C19orf18: variants seen among roughly 807,000 people sequenced by gnomAD.
The protein encoded by C19orf18 is uncharacterized protein C19orf18.
In C19orf18, 21 loss-of-function variants were observed where a neutral mutation model predicts 23.3. The ratio of observed to expected loss-of-function variants is 0.90; its 90% CI spans 0.64 to 1.30. The LOEUF (loss-of-function observed/expected upper bound fraction) is 1.30, where lower values mean the gene tolerates loss of function less well. C19orf18 is among the 50% of genes most tolerant of loss of function. The pLI is 0.00. For synonymous variants in C19orf18, 96 were observed against 95.2 expected (o/e 1.01, Z -0.05); for missense variants, 249 against 259.6 (o/e 0.96, Z 0.28).
chr19:57,969,595 A>AACAAAAAAAAAAAAAAAAAAAAAAAAC (rs2072932076), intron 3 of C19orf18, among the ~76,000 whole-genome samples: 1 of 132,680 alleles, frequency 7.5e-6, no homozygotes, highest in Non-Finnish European at 1.6e-5. Context: ...AAAAAAAAAA[A>AACAAAAAAAAAAAAAAAAAAAAAAAAC]ACCAAGAAAA....
intron 4 of C19orf18, among the ~76,000 whole-genome samples, chr19:57,962,208 A>T (rs1260665124): frequency 6.9e-6 from 1 of 145,484 alleles, no homozygotes; most frequent in Non-Finnish European, 1.5e-5. Flanking sequence ...TTATTTTTGT[A>T]TTTTTTTTTT....
Position 57,972,549 on chromosome 19 carries a change from G to A in C19orf18, c.227-45C>T, listed in dbSNP as rs371358991. 2.0e-5 allele frequency: 32 copies of A among 1,595,842 alleles called. No individual in the cohort carries two copies. The African/African-American group carries it at 3.8e-4, about 19-fold the overall frequency. ...GATCAAAAAGAAGAGACTTTAAGAT[G>A]GTTTAAGATGAACTTGGGAAAACAA... On this transcript the variant is annotated intron_variant, in intron 2 of 5. Transcript: ENST00000314391.
chr19:57,969,824 A>G (rs2123231785), intron 3 of C19orf18, among the ~76,000 whole-genome samples: 1 of 149,034 alleles, frequency 6.7e-6, no homozygotes, highest in Non-Finnish European at 1.5e-5. Context: ...GAGAGCTGAG[A>G]TCGCATCATT....
chr19:57,964,223 C>T (rs1376571634), intron 4 of C19orf18, among the ~76,000 whole-genome samples: 2 of 152,140 alleles, frequency 1.3e-5, no homozygotes, highest in Non-Finnish European at 2.9e-5. Context: ...AGTTGCATTA[C>T]AAAACTTTAT....
chr19:57,964,307 G>A (rs2072893768), intron 4 of C19orf18, among the ~76,000 whole-genome samples: 2 of 152,054 alleles, frequency 1.3e-5, no homozygotes, highest in South Asian at 4.1e-4. Flanking sequence ...TTTGAGACAT[G>A]GTCTCACTCT....
At chr19:57,961,803 T>C (rs559090124) in intron 4 of C19orf18, among the ~76,000 whole-genome samples, 3 of 152,326 alleles carry the variant, frequency 2.0e-5, no homozygotes, top group Admixed American at 1.3e-4. Flanking sequence ...GGCACTCACA[T>C]TGGGTTCCAA....
rs1379612638 is a variant in C19orf18, at chr19:57,958,636, T to C, written c.614A>G (p.Asn205Ser). Residue 205 changes from asparagine to serine, a missense_variant, in exon 6 of 6, where the codon AAT becomes AGT. Coordinates refer to ENST00000314391, the MANE Select transcript of C19orf18 (RefSeq NM_152474.5). ...TTCCATTTTTCCATTATGTGACGCA[T>C]TCTTTGTTTTGTTTTCTGTTACTGA... ...QNSVTENKTK[N>S]ASHNGKMEDL is the part of the protein sequence containing the mutation. 6.2e-7 allele frequency: 1 copy of C among 1,608,688 alleles called. No individual in the cohort carries two copies. Among genetic ancestry groups the C allele is most frequent in the Non-Finnish European group, 8.5e-7 (1 of 1,177,990 alleles).
chr19:57,969,573 A>G (rs1169375295), intron 3 of C19orf18, among the ~76,000 whole-genome samples: 10 of 123,158 alleles, frequency 8.1e-5, no homozygotes, highest in African/African-American at 1.9e-4. Flanking sequence ...ACAGAAAAAA[A>G]AAAAAAAAAA....
Position 57,972,466 on chromosome 19 carries a change from T to TAAAAA in C19orf18, c.264_265insTTTTT (p.Lys89PhefsTer5). 4 of 1,614,178 alleles carry TAAAAA rather than the reference T, an allele frequency of 2.5e-6. No individual in the cohort carries two copies. Among genetic ancestry groups the TAAAAA allele is most frequent in the Non-Finnish European group, 3.4e-6 (4 of 1,179,974 alleles). On this transcript the variant is annotated frameshift_variant, in exon 3 of 6. Coordinates refer to ENST00000314391, the MANE Select transcript of C19orf18 (RefSeq NM_152474.5). LOFTEE classifies it high-confidence loss of function. ...CCTCCCAGATCCCTTGGCTTACCTT[T>TAAAAA]ATTCCTCAGGAATTTCATGGGGTTC...
rs373597607 is a variant in C19orf18 at position 57,972,486 on chromosome 19, G to C, written c.245C>G (p.Pro82Arg). 1.7e-5 allele frequency: 28 copies of C among 1,613,976 alleles called. No homozygotes were observed. The highest frequency in any genetic ancestry group is 7.6e-6 in the Non-Finnish European group (9 of 1,179,968). ...SRSTAASPTN[P>R]MKFLRNKAII... ...ACCTTTATTCCTCAGGAATTTCATG[G>C]GGTTCGTAGGGGATGCAGCTAAAAG... The change falls in exon 3 of 6, where the codon CCC (proline) becomes CGC (arginine). Residue 82 changes from proline (P) to arginine (R), a missense_variant. Physicochemically the swap from Pro to Arg is moderately radical, Grantham distance 103. Coordinates refer to ENST00000314391, the MANE Select transcript of C19orf18 (RefSeq NM_152474.5).
At chr19:57,965,734 A>G (rs1162588300) in intron 4 of C19orf18, among the ~76,000 whole-genome samples, 1 of 152,092 alleles carries the variant, frequency 6.6e-6, no homozygotes, top group Admixed American at 6.5e-5. Context: ...GGGCAACAAG[A>G]GCGAAACTCC....
rs75553659 is a variant in C19orf18, at chr19:57,961,549, C to T, written c.374G>A (p.Arg125Gln). Reference sequence around the variant, plus strand: ...TTGTCTTTCCTCAGCCTGTGCCAGTCGACTGGAGAATGATATAAATGAATT... The same window carrying T: ...TTGTCTTTCCTCAGCCTGTGCCAGTTGACTGGAGAATGATATAAATGAATT... ...CGMAISYMIY[R>Q]LAQAEERQQL... The change falls in exon 5 of 6, where the codon CGA becomes CAA. Residue 125 changes from arginine to glutamine, a missense_variant and splice_region_variant. By Grantham distance (43) the Arg-to-Gln change is conservative (BLOSUM62 1). Transcript: ENST00000314391. The T allele has an allele frequency of 3.8e-5, 61 of 1,609,434 alleles. No homozygotes were observed. The East Asian group carries it at 7.1e-4, about 19-fold the overall frequency.
chr19:57,970,484 A>G (rs1276340900), intron 3 of C19orf18, among the ~76,000 whole-genome samples: 1 of 152,222 alleles, frequency 6.6e-6, no homozygotes, highest in African/African-American at 2.4e-5. Flanking sequence ...TTGTGCTCAA[A>G]TAAACTCTGT....
rs1400089136 is a variant in C19orf18, at chr19:57,970,972, A to G, written c.268+1491T>C. On this transcript the variant is annotated intron_variant, in intron 3 of 5. Coordinates refer to ENST00000314391, the MANE Select transcript of C19orf18 (RefSeq NM_152474.5). Reference sequence around the variant, plus strand: ...CAGTGACCTTCTAGCACCAGCACACAAAACGAGCTAGTGTCAAAAGAAGGA... The same window carrying G: ...CAGTGACCTTCTAGCACCAGCACACGAAACGAGCTAGTGTCAAAAGAAGGA... Among the ~76,000 whole-genome samples, 5 of 152,254 alleles carry G rather than the reference A, an allele frequency of 3.3e-5. No homozygotes were observed. In the East Asian group the frequency reaches 5.8e-4, roughly 18 times the overall value.
chr19:57,958,627 T>C lies in C19orf18; in HGVS notation c.623A>G (p.His208Arg). 1 of 1,607,174 alleles carries C rather than the reference T, an allele frequency of 6.2e-7. No individual in the cohort carries two copies. Among genetic ancestry groups the C allele is most frequent in the Non-Finnish European group, 8.5e-7 (1 of 1,176,680 alleles). The change falls in exon 6 of 6, where the codon CAT becomes CGT. Residue 208 changes from histidine (H) to arginine (R), a missense_variant. Transcript: ENST00000314391. ...TCACAAGTCTTCCATTTTTCCATTATGTGACGCATTCTTTGTTTTGTTTTC... is the reference window on the plus strand; with the variant it reads ...TCACAAGTCTTCCATTTTTCCATTACGTGACGCATTCTTTGTTTTGTTTTC... ...VTENKTKNAS[H>R]NGKMEDL
At chr19:57,971,464 A>C (rs1600208529) in intron 3 of C19orf18, among the ~76,000 whole-genome samples, 1 of 115,364 alleles carries the variant, frequency 8.7e-6, no homozygotes, top group African/African-American at 3.0e-5. Context: ...TCCTGTAAAA[A>C]CCAGAATAAA....
At chr19:57,967,989 G>A (rs958286107) in intron 3 of C19orf18, among the ~76,000 whole-genome samples, 1 of 151,706 alleles carries the variant, frequency 6.6e-6, no homozygotes, top group African/African-American at 2.4e-5. Flanking sequence ...TCCAGCCTGG[G>A]CAACAGAGCG....
intron 4 of C19orf18, among the ~76,000 whole-genome samples, chr19:57,963,770 G>C (rs2072889784): frequency 6.6e-6 from 1 of 152,030 alleles, no homozygotes; most frequent in South Asian, 2.1e-4. Context: ...GGTGCCTGTA[G>C]TCCCAGCTAC....
Position 57,958,529 on chromosome 19 carries a change from C to T in C19orf18, c.*73G>A. 6 of 996,434 alleles carry T rather than the reference C, an allele frequency of 6.0e-6. No individual in the cohort carries two copies. Among genetic ancestry groups the T allele is most frequent in the East Asian group, 2.7e-5 (1 of 37,690 alleles). The allele number at this position is 996,434 out of a possible 1,614,324, so 61.7% of individuals were successfully genotyped here. A position where few individuals can be genotyped will look rare whatever the true frequency, so the allele number is the denominator to read the frequency against. On this transcript the variant is annotated 3_prime_UTR_variant, in exon 6 of 6. Transcript: ENST00000314391. ...CATAAGGTTCTCTGGGAGCAAGCCA[C>T]GCCCACAGGCTCAGTCTCCCAGCAC...
Sources: allele counts gnomAD v4.1 joint callset (sites outside exome capture counted in the v4.1 genomes callset), GRCh38; gene constraint gnomAD v4.1.1; transcripts MANE v1.5; gene names NCBI Gene and HGNC (gene_info 2026-07-23, HGNC 2026-07-21).